The following QTMAN variants were observed in gnomAD, a reference collection of about 807,000 sequenced individuals.
The protein encoded by QTMAN is queuosine-tRNA mannosyltransferase, also known as tRNA-queuosine alpha-mannosyltransferase.
At chr2:144,272,948 G>A in the QTMAN span, among the ~76,000 whole-genome samples, 1 of 152,022 alleles carries the variant, frequency 6.6e-6, no homozygotes, top group African/African-American at 2.4e-5. Flanking sequence ...TCAATTCAAA[G>A]ATCTGACTGG....
chr2:143,944,969 T>A, the QTMAN span: 1 of 151,936 alleles, frequency 6.6e-6, no homozygotes, highest in African/African-American at 2.4e-5. Context: ...GTACTAGTTG[T>A]GTGTGGAGTA....
At chr2:144,178,465 G>A in the QTMAN span, 1 of 152,244 alleles carries the variant, frequency 6.6e-6, no homozygotes, top group Admixed American at 6.6e-5. Context: ...CCATGAAAAT[G>A]CAGGTTGACA....
the QTMAN span, among the ~76,000 whole-genome samples, chr2:144,119,181 A>G: frequency 6.6e-6 from 1 of 152,190 alleles, no homozygotes; most frequent in Non-Finnish European, 1.5e-5. Flanking sequence ...TAATTCCCAG[A>G]GTTCATTTGT....
the QTMAN span, among the ~76,000 whole-genome samples, chr2:144,106,059 A>G: frequency 6.6e-6 from 1 of 152,322 alleles, no homozygotes; most frequent in East Asian, 1.9e-4. Context: ...AAATGCTGAG[A>G]GATTTTGTCA....
At chr2:144,167,243 C>A in the QTMAN span, among the ~76,000 whole-genome samples, 10 of 152,146 alleles carry the variant, frequency 6.6e-5, no homozygotes, top group Admixed American at 2.0e-4. Context: ...TAGCCACACA[C>A]TCTTCTCCTT....
chr2:144,237,643 C>A, the QTMAN span, among the ~76,000 whole-genome samples: 1 of 152,106 alleles, frequency 6.6e-6, no homozygotes, highest in African/African-American at 2.4e-5. Flanking sequence ...TAAATCCGAT[C>A]AACTTGTGCT....
At chr2:143,946,791 C>T in the QTMAN span, 2 of 466,598 alleles carry the variant, frequency 4.3e-6, no homozygotes, top group Non-Finnish European at 7.6e-6. Context: ...CAGTCTCCTA[C>T]ATGTGATGCC....
At chr2:144,176,127 G>A in the QTMAN span, among the ~76,000 whole-genome samples, 1 of 152,014 alleles carries the variant, frequency 6.6e-6, no homozygotes, top group Non-Finnish European at 1.5e-5. Context: ...TTATCAAACA[G>A]AATCTAGCAG....
the QTMAN span, among the ~76,000 whole-genome samples, chr2:144,050,420 T>C: frequency 1.3e-5 from 2 of 152,186 alleles, no homozygotes; most frequent in East Asian, 3.9e-4. Flanking sequence ...AGGTAATGAG[T>C]TTCCAACTAC....
At chr2:144,152,655 C>T in the QTMAN span, among the ~76,000 whole-genome samples, 3 of 152,064 alleles carry the variant, frequency 2.0e-5, no homozygotes, top group African/African-American at 7.2e-5. Flanking sequence ...AGTATTCTTA[C>T]AAGGTCCAAG....
the QTMAN span, among the ~76,000 whole-genome samples, chr2:144,062,000 T>C: frequency 6.6e-6 from 1 of 152,164 alleles, no homozygotes; most frequent in Non-Finnish European, 1.5e-5. Context: ...ACCTCCATCA[T>C]TCAGTAAAAT....
At chr2:144,123,817 CAAG>C in the QTMAN span, among the ~76,000 whole-genome samples, 5 of 151,944 alleles carry the variant, frequency 3.3e-5, no homozygotes, top group African/African-American at 4.8e-5. Flanking sequence ...AATTAGAGTG[CAAG>C]AAGATCTTTT....
the QTMAN span, among the ~76,000 whole-genome samples, chr2:144,036,630 T>A: frequency 6.6e-6 from 1 of 152,208 alleles, no homozygotes; most frequent in South Asian, 2.1e-4. Flanking sequence ...ACCTACATAT[T>A]TGGTACCATA....
chr2:144,112,293 A>G, the QTMAN span, among the ~76,000 whole-genome samples: 2 of 152,240 alleles, frequency 1.3e-5, no homozygotes, highest in African/African-American at 2.4e-5. Context: ...CTAAGTAACA[A>G]CGAAAAACAC....
At chr2:144,188,549 G>GGATA in the QTMAN span, among the ~76,000 whole-genome samples, 1 of 146,546 alleles carries the variant, frequency 6.8e-6, no homozygotes, top group Non-Finnish European at 1.5e-5. Flanking sequence ...ATGGATGGAT[G>GGATA]GACTGATGGA....
chr2:143,981,393 T>C, the QTMAN span, among the ~76,000 whole-genome samples: 1 of 152,200 alleles, frequency 6.6e-6, no homozygotes, highest in African/African-American at 2.4e-5. Context: ...GATATGCCGT[T>C]CATCAAAATG....
the QTMAN span, among the ~76,000 whole-genome samples, chr2:144,001,230 G>A: frequency 6.6e-6 from 1 of 151,914 alleles, no homozygotes; most frequent in Non-Finnish European, 1.5e-5. Context: ...TTAGTACCAA[G>A]TAATAAAGCA....
chr2:143,985,825 C>T, the QTMAN span, among the ~76,000 whole-genome samples: 1 of 152,094 alleles, frequency 6.6e-6, no homozygotes, highest in African/African-American at 2.4e-5. Context: ...ATTTATTCTA[C>T]TTTTCCTTTA....
the QTMAN span, chr2:144,178,855 A>T: frequency 2.7e-6 from 1 of 369,002 alleles, no homozygotes; most frequent in Admixed American, 3.9e-5. Flanking sequence ...CTTTTCAGGA[A>T]GCTGGATCCA....
Sources: gnomAD v4.1 joint callset for allele counts (sites outside exome capture counted in the v4.1 genomes callset) on GRCh38, gnomAD v4.1.1 for gene constraint, MANE v1.5 for transcripts, NCBI Gene and HGNC (gene_info 2026-07-23, HGNC 2026-07-21) for gene names.